The following GRID2 variants were observed in gnomAD, a reference collection of about 807,000 sequenced individuals.
GRID2 encodes the protein glutamate ionotropic receptor delta type subunit 2.
A neutral mutation model predicts 114.8 loss-of-function variants in GRID2; 33 were observed. The observed-to-expected ratio is 0.29, with a 90% confidence interval of 0.22 to 0.38. The LOEUF (loss-of-function observed/expected upper bound fraction) is 0.38. GRID2 is among the 10% of genes least tolerant of loss of function. The pLI, the probability that GRID2 is intolerant of heterozygous loss-of-function variation, is 1.00. For synonymous variants in GRID2, 505 were observed against 449.9 expected (o/e 1.12, Z -1.55); for missense variants, 1,184 against 1,257.7 (o/e 0.94, Z 0.89).
At chr4:93,468,858 T>A (rs1724536026) in intron 11 of GRID2, among the ~76,000 whole-genome samples, 1 of 152,152 alleles carries the variant, frequency 6.6e-6, no homozygotes, top group Non-Finnish European at 1.5e-5. Flanking sequence ...GATTTAATAT[T>A]TGTTTCAAAA....
At chr4:93,090,894 C>A (rs1730728801) in intron 3 of GRID2, among the ~76,000 whole-genome samples, 1 of 152,096 alleles carries the variant, frequency 6.6e-6, no homozygotes, top group East Asian at 1.9e-4. Flanking sequence ...CTGGTAACGC[C>A]AGGTGTTCTC....
At chr4:92,655,165 T>A (rs1026877672) in intron 2 of GRID2, among the ~76,000 whole-genome samples, 1 of 152,034 alleles carries the variant, frequency 6.6e-6, no homozygotes, top group African/African-American at 2.4e-5. Flanking sequence ...TTCCAATGTT[T>A]GTTCTTGGTG....
At chr4:93,310,876 G>A (rs1005717096) in intron 8 of GRID2, among the ~76,000 whole-genome samples, 1 of 152,240 alleles carries the variant, frequency 6.6e-6, no homozygotes, top group South Asian at 2.1e-4. Context: ...GAAGCAAACA[G>A]TAGAGTTATT....
intron 1 of GRID2, among the ~76,000 whole-genome samples, chr4:92,522,936 G>C (rs909495846): frequency 6.6e-6 from 1 of 151,936 alleles, no homozygotes; most frequent in African/African-American, 2.4e-5. Flanking sequence ...CCTCTGCAAG[G>C]TTTTAAGTTT....
chr4:92,639,955 C>A (rs1183135404), intron 2 of GRID2, among the ~76,000 whole-genome samples: 2 of 151,594 alleles, frequency 1.3e-5, no homozygotes, highest in Admixed American at 1.3e-4. Flanking sequence ...AAAATTGAGG[C>A]CTTCTTGAAT....
intron 2 of GRID2, among the ~76,000 whole-genome samples, chr4:92,793,775 A>G (rs756080082): frequency 7.2e-5 from 11 of 151,830 alleles, no homozygotes; most frequent in South Asian, 2.1e-4. Flanking sequence ...ATACTTTTCA[A>G]TAGTGAAAAT....
intron 5 of GRID2, among the ~76,000 whole-genome samples, chr4:93,212,079 T>C (rs1743565158): frequency 1.3e-5 from 2 of 152,196 alleles, no homozygotes; most frequent in South Asian, 4.1e-4. Flanking sequence ...CATGGATTTC[T>C]CAATATTGCT....
At chr4:93,611,442 G>A (rs1425426850) in intron 13 of GRID2, among the ~76,000 whole-genome samples, 1 of 116,780 alleles carries the variant, frequency 8.6e-6, no homozygotes, top group East Asian at 2.4e-4. Context: ...GCTTTCTCTT[G>A]TAGGCATTTA....
At chr4:93,339,954 C>T (rs1204983453) in intron 8 of GRID2, among the ~76,000 whole-genome samples, 1 of 152,110 alleles carries the variant, frequency 6.6e-6, no homozygotes, top group Non-Finnish European at 1.5e-5. Context: ...AAACCGCCCC[C>T]ATGATTCAGT....
At chr4:93,203,862 G>C (rs1243977691) in intron 4 of GRID2, 1 of 152,176 alleles carries the variant, frequency 6.6e-6, no homozygotes, top group East Asian at 1.9e-4. Flanking sequence ...ACAGAGAGCA[G>C]ACACAAGCAC....
At chr4:92,789,528 A>C (rs1309800229) in intron 2 of GRID2, among the ~76,000 whole-genome samples, 3 of 151,744 alleles carry the variant, frequency 2.0e-5, no homozygotes, top group Non-Finnish European at 4.4e-5. Flanking sequence ...CCAATCTTCC[A>C]ATTAACTCTC....
At chr4:92,311,346 G>C (rs190328808) in intron 1 of GRID2, among the ~76,000 whole-genome samples, 1 of 152,076 alleles carries the variant, frequency 6.6e-6, no homozygotes, top group Admixed American at 6.6e-5. Context: ...TCCTACTGTT[G>C]TTCACCAAGT....
intron 2 of GRID2, among the ~76,000 whole-genome samples, chr4:92,944,375 G>T (rs551028925): frequency 4.6e-5 from 7 of 152,344 alleles, no homozygotes; most frequent in South Asian, 2.1e-4. Context: ...CTCTGAGCCA[G>T]GTGCTGGATA....
chr4:93,376,718 A>C (rs1353180133), intron 8 of GRID2, among the ~76,000 whole-genome samples: 1 of 152,142 alleles, frequency 6.6e-6, no homozygotes, highest in East Asian at 1.9e-4. Flanking sequence ...CTAACACAGA[A>C]ACAGAAAACC....
chr4:92,338,804 AATCTT>A (rs1402091161), intron 1 of GRID2, among the ~76,000 whole-genome samples: 1 of 152,124 alleles, frequency 6.6e-6, no homozygotes, highest in East Asian at 1.9e-4. Context: ...CATTATTTAA[AATCTT>A]AAATTATAAT....
intron 2 of GRID2, among the ~76,000 whole-genome samples, chr4:92,706,003 A>G (rs956875074): frequency 3.9e-5 from 6 of 152,238 alleles, no homozygotes; most frequent in Non-Finnish European, 8.8e-5. Flanking sequence ...CAAATGAGGT[A>G]TGATGGTCTA....
intron 10 of GRID2, among the ~76,000 whole-genome samples, chr4:93,434,861 A>C (rs1720918476): frequency 6.6e-6 from 1 of 152,060 alleles, no homozygotes; most frequent in Non-Finnish European, 1.5e-5. Context: ...ACCATGCTCC[A>C]AGCTTATGGT....
chr4:93,057,154 A>ATG (rs1322019462), intron 2 of GRID2, among the ~76,000 whole-genome samples: 1 of 127,360 alleles, frequency 7.9e-6, no homozygotes, highest in African/African-American at 3.2e-5. Context: ...GTGAGTGTGT[A>ATG]TGTGTGTCTG....
At chr4:93,517,714 G>C (rs1729869102) in intron 13 of GRID2, among the ~76,000 whole-genome samples, 2 of 151,770 alleles carry the variant, frequency 1.3e-5, no homozygotes, top group Non-Finnish European at 2.9e-5. Flanking sequence ...ATGACACATG[G>C]AATGTGGTTG....
Sources: allele counts gnomAD v4.1 joint callset (sites outside exome capture counted in the v4.1 genomes callset), GRCh38; gene constraint gnomAD v4.1.1; transcripts MANE v1.5; gene names NCBI Gene and HGNC (gene_info 2026-07-23, HGNC 2026-07-21).